The following FER variants were observed in gnomAD, a reference collection of about 807,000 sequenced individuals.
The protein encoded by FER is tyrosine-protein kinase Fer.
In FER, 63 loss-of-function variants were observed where a neutral mutation model predicts 111.0. The observed-to-expected ratio is 0.57, with a 90% confidence interval of 0.46 to 0.70. FER has a LOEUF of 0.70. Among genes scored for constraint, FER ranks in the 30% least tolerant of loss-of-function variants. The probability of loss-of-function intolerance (pLI) is 0.00; values close to 1 mark genes in which losing one functional copy is unlikely to be tolerated. For missense variants in FER, 914 were observed against 954.0 expected (o/e 0.96, Z 0.55); for synonymous variants, 327 against 313.9 (o/e 1.04, Z -0.44).
intron 10 of FER, among the ~76,000 whole-genome samples, chr5:108,926,702 A>T (rs1267020574): frequency 6.6e-6 from 1 of 152,182 alleles, no homozygotes; most frequent in Non-Finnish European, 1.5e-5. Context: ...GCTCAGTCAG[A>T]TGTTACCACA....
Position 108,868,275 on chromosome 5 carries a change from G to T in FER, c.665+325G>T, listed in dbSNP as rs1297538724. On this transcript the variant is annotated intron_variant, in intron 6 of 19. Transcript: ENST00000281092. ...CCAGAGAGTTGGGTATTTAAATCTT[G>T]AACAACTGAAGAGGCTCAAGGAAGA... Among the ~76,000 whole-genome samples, 4 of 152,082 alleles carry T rather than the reference G, an allele frequency of 2.6e-5. No individual in the cohort carries two copies. The East Asian group carries it at 7.7e-4, about 29-fold the overall frequency.
intron 17 of FER, 91 bp downstream of exon 17, chr5:109,100,610 C>T: frequency 8.0e-7 from 1 of 1,253,526 alleles, no homozygotes; most frequent in Non-Finnish European, 1.1e-6. Flanking sequence ...CATTTTCTTT[C>T]ATGAAACATG....
At chr5:108,774,019 C>T (rs888170969) in intron 2 of FER, among the ~76,000 whole-genome samples, 14 of 151,932 alleles carry the variant, frequency 9.2e-5, no homozygotes, top group African/African-American at 2.7e-4. Context: ...GTTTGCCGCA[C>T]CTATTGACCC....
intron 3 of FER, among the ~76,000 whole-genome samples, chr5:108,813,438 A>G (rs540026785): frequency 6.2e-4 from 94 of 152,200 alleles, no homozygotes; most frequent in Non-Finnish European, 9.6e-4. Context: ...TCAACTTTGG[A>G]AAGTTTTCAG....
chr5:108,874,548 A>G (rs1305700900), intron 8 of FER, among the ~76,000 whole-genome samples: 3 of 152,074 alleles, frequency 2.0e-5, no homozygotes, highest in Non-Finnish European at 4.4e-5. Flanking sequence ...TCAAATAAGT[A>G]TAAGGTAATT....
chr5:109,068,178 C>T (rs959938430), intron 16 of FER, among the ~76,000 whole-genome samples: 2 of 142,144 alleles, frequency 1.4e-5, no homozygotes, highest in African/African-American at 2.6e-5. Context: ...ACTCAGTCAT[C>T]TCTTTTTTTT....
chr5:109,077,825 G>A (rs1281652615), intron 16 of FER, among the ~76,000 whole-genome samples: 1 of 151,972 alleles, frequency 6.6e-6, no homozygotes, highest in African/African-American at 2.4e-5. Context: ...TTTTTAAATT[G>A]GACAAAGCAT....
At chr5:109,044,649 C>A in intron 14 of FER, 31 bp from the exon 15 acceptor site, 1 of 1,136,484 alleles carries the variant, frequency 8.8e-7, no homozygotes, top group South Asian at 1.6e-5. Flanking sequence ...CTGTCATTTA[C>A]CCCAGACAAT....
intron 18 of FER, among the ~76,000 whole-genome samples, chr5:109,184,710 C>G (rs568862937): frequency 6.6e-6 from 1 of 152,272 alleles, no homozygotes; most frequent in African/African-American, 2.4e-5. Context: ...ATCTTCCACC[C>G]AAAAATGTCC....
At chr5:108,898,518 TCTTC>T (rs1204902047) in intron 10 of FER, among the ~76,000 whole-genome samples, 1 of 147,458 alleles carries the variant, frequency 6.8e-6, no homozygotes, top group Non-Finnish European at 1.5e-5. Context: ...CCTTTCTCCT[TCTTC>T]CTTCCTTTCC....
chr5:109,044,604 G>A, intron 14 of FER, 76 bp from the exon 15 acceptor site: 2 of 694,036 alleles, frequency 2.9e-6, no homozygotes, highest in South Asian at 2.4e-5. Flanking sequence ...CCTCCTCTTT[G>A]GTACCTTTCC....
At chr5:109,021,932 G>A (rs1012777124) in intron 13 of FER, among the ~76,000 whole-genome samples, 2 of 152,036 alleles carry the variant, frequency 1.3e-5, no homozygotes, top group Admixed American at 1.3e-4. Context: ...ACCTTTTAGA[G>A]GGAGAAGATA....
chr5:108,810,830 G>C (rs111610446), intron 3 of FER, among the ~76,000 whole-genome samples: 82 of 152,310 alleles, frequency 5.4e-4, no homozygotes, highest in African/African-American at 1.5e-3. Context: ...GATCTGCCTG[G>C]GGGTGAGGAA....
intron 17 of FER, among the ~76,000 whole-genome samples, chr5:109,145,269 G>A (rs540024048): frequency 1.2e-3 from 182 of 152,062 alleles, no homozygotes; most frequent in Middle Eastern, 3.4e-3. Flanking sequence ...GACTTGCACA[G>A]CCAAAGCAGA....
chr5:108,908,206 T>C (rs189415912), intron 10 of FER, among the ~76,000 whole-genome samples: 248 of 152,286 alleles, frequency 1.6e-3, no homozygotes, highest in African/African-American at 5.6e-3. Context: ...TTTGAGAAAC[T>C]GAACAGAAAT....
chr5:109,063,062 A>G, intron 16 of FER, among the ~76,000 whole-genome samples: 1 of 152,198 alleles, frequency 6.6e-6, no homozygotes, highest in East Asian at 1.9e-4. Context: ...GGTTTATTTT[A>G]GGCTTAGAAA....
chr5:109,136,080 AC>A (rs148415483), intron 17 of FER, among the ~76,000 whole-genome samples: 4,849 of 151,930 alleles, frequency 0.032, 106 homozygotes, highest in Middle Eastern at 0.092. Flanking sequence ...ACATGGCGAA[AC>A]CCTGTTTTTA....
At chr5:108,841,759 T>A (rs1761292510) in intron 5 of FER, 1 of 326,170 alleles carries the variant, frequency 3.1e-6, no homozygotes, top group African/African-American at 2.2e-5. Context: ...GAGAGCCAAG[T>A]GGGAGGTCTT....
intron 17 of FER, among the ~76,000 whole-genome samples, chr5:109,144,701 T>G (rs1753887150): frequency 6.6e-6 from 1 of 151,912 alleles, no homozygotes; most frequent in Admixed American, 6.6e-5. Flanking sequence ...ATTCTTGGAG[T>G]AGCTAAGGGC....
Sources: gnomAD v4.1 joint callset for allele counts (sites outside exome capture counted in the v4.1 genomes callset) on GRCh38, gnomAD v4.1.1 for gene constraint, MANE v1.5 for transcripts, NCBI Gene and HGNC (gene_info 2026-07-23, HGNC 2026-07-21) for gene names.